The following TRANK1 variants were observed in gnomAD, a reference collection of about 807,000 sequenced individuals.
TRANK1 encodes the protein tetratricopeptide repeat and ankyrin repeat containing 1.
A neutral mutation model predicts 266.0 loss-of-function variants in TRANK1; 198 were observed. The ratio of observed to expected loss-of-function variants is 0.74; its 90% CI spans 0.66 to 0.84. TRANK1 has a LOEUF of 0.84. Ranked by LOEUF, TRANK1 falls within the 40% of genes least tolerant of loss-of-function variation. TRANK1 has a pLI of 0.00. For synonymous variants in TRANK1, 1,396 were observed against 1,384.1 expected (o/e 1.01, Z -0.19); for missense variants, 3,326 against 3,634.6 (o/e 0.92, Z 2.18).
intron 17 of TRANK1, 27 bp from the exon 18 acceptor site, chr3:36,842,737 G>T: frequency 1.9e-6 from 3 of 1,588,602 alleles, no homozygotes; most frequent in Non-Finnish European, 2.6e-6. Flanking sequence ...AAGTGTGTTT[G>T]CTTCTCTGGG....
At chr3:36,870,126 C>A (rs755528757) in intron 9 of TRANK1, among the ~76,000 whole-genome samples, 3 of 152,186 alleles carry the variant, frequency 2.0e-5, no homozygotes, top group Non-Finnish European at 4.4e-5. Context: ...TCTACTGCTG[C>A]GCCAGGAGTG....
At chr3:36,828,837 G>T (rs2078660107) in intron 23 of TRANK1, among the ~76,000 whole-genome samples, 2 of 152,162 alleles carry the variant, frequency 1.3e-5, no homozygotes, top group African/African-American at 2.4e-5. Context: ...GACCCCAGAA[G>T]GGACTAAATG....
In TRANK1 at chr3:36,842,652, T is replaced by G. The variant is rs1416300706; in HGVS notation, c.5250A>C (p.Gly1750=). 6.2e-7 allele frequency: 1 copy of G among 1,613,996 alleles called. No homozygotes were observed. The highest frequency in any genetic ancestry group is 1.1e-5 in the South Asian group (1 of 91,054). ...AGCACTGGTGCTTGGCGTAGTAATC[T>G]CCCTGTGCAATCCACTCCGCAGGAG... ...TSTPAEWIAQ[G]DYYAKHQCWK... Residue 1750 remains glycine, a synonymous_variant, in exon 18 of 24, where the codon GGA becomes GGC. Coordinates refer to ENST00000645898, the MANE Select transcript of TRANK1 (RefSeq NM_001329998.2).
intron 1 of TRANK1, among the ~76,000 whole-genome samples, chr3:36,917,918 G>T (rs1413077291): frequency 1.3e-5 from 2 of 152,204 alleles, no homozygotes; most frequent in East Asian, 1.9e-4. Flanking sequence ...GTCTGAAAAG[G>T]TTGGGAGGAG....
chr3:36,903,405 A>C, intron 2 of TRANK1, 130 bp from the exon 3 acceptor site: 1 of 1,176,910 alleles, frequency 8.5e-7, no homozygotes. Flanking sequence ...ATTCATGCTT[A>C]TCAGATCAGT....
At chr3:36,865,679 C>G (rs2079206744) in intron 9 of TRANK1, among the ~76,000 whole-genome samples, 2 of 152,024 alleles carry the variant, frequency 1.3e-5, no homozygotes, top group Non-Finnish European at 2.9e-5. Flanking sequence ...CAAGACCAGC[C>G]TGAGCAACAT....
At chr3:36,875,722 G>A (rs761734156) in intron 8 of TRANK1, among the ~76,000 whole-genome samples, 2 of 152,130 alleles carry the variant, frequency 1.3e-5, no homozygotes, top group African/African-American at 4.8e-5. Context: ...CCTGCAAAAC[G>A]TCTTTTAAAA....
intron 8 of TRANK1, 132 bp from the exon 9 acceptor site, chr3:36,874,428 C>T (rs1350948048): frequency 3.2e-6 from 3 of 945,672 alleles, no homozygotes; most frequent in African/African-American, 3.3e-5. Flanking sequence ...GTTTGTGGAG[C>T]CTGCACTGCT....
In TRANK1 at chr3:36,833,432, A is replaced by G. The variant is rs375282214; in HGVS notation, c.6151T>C (p.Phe2051Leu). ...RDFQKLRDAF[F>L]KFDTLNHSAG... is the part of the protein sequence containing the mutation. ...GAGTGGTTGAGCGTGTCAAACTTGA[A>G]GAAGGCATCCCTGAGCTTCTGAAAG... The change falls in exon 22 of 24, where the codon TTC (phenylalanine) becomes CTC (leucine). Residue 2051 changes from phenylalanine (F) to leucine (L), a missense_variant. Coordinates refer to ENST00000645898, the MANE Select transcript of TRANK1 (RefSeq NM_001329998.2). 10 of 1,613,894 alleles carry G rather than the reference A, an allele frequency of 6.2e-6. No individual in the cohort carries two copies. The highest frequency in any genetic ancestry group is 1.7e-5 in the Admixed American group (1 of 60,002).
chr3:36,896,287 A>G (rs1395804261), intron 4 of TRANK1, among the ~76,000 whole-genome samples: 1 of 152,192 alleles, frequency 6.6e-6, no homozygotes, highest in Admixed American at 6.5e-5. Flanking sequence ...CTGGTGGCCC[A>G]TCGACCTATT....
At chr3:36,844,458 G>A (rs535571469) in intron 17 of TRANK1, among the ~76,000 whole-genome samples, 9 of 152,218 alleles carry the variant, frequency 5.9e-5, no homozygotes, top group South Asian at 4.1e-4. Flanking sequence ...AACTCCTGAC[G>A]TCAGGTGATC....
chr3:36,855,306 C>G lies in TRANK1; in HGVS notation c.4416G>C (p.Lys1472Asn), dbSNP rs1450102068. ...LTGDTAQSIM[K>N]GVAFRFSDLR... ...GATCGCTGAAGCGGAAGGCCACGCCCTTCATGATGCTCTGGGCCGTGTCCC... is the reference window on the plus strand; with the variant it reads ...GATCGCTGAAGCGGAAGGCCACGCCGTTCATGATGCTCTGGGCCGTGTCCC... Residue 1472 changes from lysine to asparagine, a missense_variant, in exon 13 of 24, where the codon AAG becomes AAC. Lys to Asn is a moderately conservative substitution (Grantham distance 94, BLOSUM62 0). Transcript: ENST00000645898. 1 of 1,614,058 alleles carries G rather than the reference C, an allele frequency of 6.2e-7. No individual in the cohort carries two copies. The highest frequency in any genetic ancestry group is 1.1e-5 in the South Asian group (1 of 91,088).
At chr3:36,920,922 G>GA (rs1346530444) in intron 1 of TRANK1, among the ~76,000 whole-genome samples, 2 of 152,176 alleles carry the variant, frequency 1.3e-5, no homozygotes, top group Non-Finnish European at 1.5e-5. Flanking sequence ...TCTCTTCAAA[G>GA]AATCAGTATG....
chr3:36,853,178 C>T (rs779785877), intron 13 of TRANK1, among the ~76,000 whole-genome samples: 84 of 152,258 alleles, frequency 5.5e-4, no homozygotes, highest in Non-Finnish European at 9.7e-4. Flanking sequence ...CAAATCCTCA[C>T]AACAATGCAG....
chr3:36,920,156 G>A (rs966056565), intron 1 of TRANK1, among the ~76,000 whole-genome samples: 18 of 152,208 alleles, frequency 1.2e-4, no homozygotes, highest in South Asian at 4.1e-4. Flanking sequence ...TATAGTGACA[G>A]CGTGGTGCCA....
rs1211449683 is a variant in TRANK1, at chr3:36,892,246, C to A, written c.731G>T (p.Gly244Val). Residue 244 changes from glycine to valine, a missense_variant, in exon 7 of 24, where the codon GGA becomes GTA. By Grantham distance (109) the Gly-to-Val change is moderately radical. Coordinates refer to ENST00000645898, the MANE Select transcript of TRANK1 (RefSeq NM_001329998.2). ...CATGAGGGCATGAAGGGGATACGGTCCTATAGTCTCAACACTTGCACCAAT... is the reference window on the plus strand; with the variant it reads ...CATGAGGGCATGAAGGGGATACGGTACTATAGTCTCAACACTTGCACCAAT... ...ISIGASVETIGPYPLHALMRL... is the reference protein window; with the variant it reads ...ISIGASVETIVPYPLHALMRL... The A allele has an allele frequency of 6.5e-7, 1 of 1,537,118 alleles. No homozygotes were observed. The highest frequency in any genetic ancestry group is 8.7e-7 in the Non-Finnish European group (1 of 1,146,894).
chr3:36,847,464 T>C, intron 15 of TRANK1, 118 bp from the exon 16 acceptor site: 1 of 1,016,388 alleles, frequency 9.8e-7, no homozygotes, highest in South Asian at 1.6e-5. Flanking sequence ...CAACCCCAAC[T>C]TTGAGAAAGA....
At chr3:36,920,597 T>C (rs2080200994) in intron 1 of TRANK1, among the ~76,000 whole-genome samples, 3 of 152,328 alleles carry the variant, frequency 2.0e-5, no homozygotes, top group African/African-American at 7.2e-5. Context: ...CACAGAGCAC[T>C]GTCCAGTGTG....
chr3:36,899,024 T>C, intron 4 of TRANK1, 85 bp downstream of exon 4: 1 of 1,392,636 alleles, frequency 7.2e-7, no homozygotes, highest in African/African-American at 1.5e-5. Context: ...ACCCAGAAAG[T>C]ATCTCCCCAT....
Sources: gnomAD v4.1 joint callset for allele counts (sites outside exome capture counted in the v4.1 genomes callset) on GRCh38, gnomAD v4.1.1 for gene constraint, MANE v1.5 for transcripts, NCBI Gene and HGNC (gene_info 2026-07-23, HGNC 2026-07-21) for gene names.